The following LIPC variants were observed in gnomAD, a reference collection of about 807,000 sequenced individuals.
The protein encoded by LIPC is lipase C, hepatic type, also known as hepatic triacylglycerol lipase.
LIPC carries 44 observed loss-of-function variants against 50.7 expected under a neutral mutation model. The observed-to-expected ratio is 0.87, with a 90% CI of 0.68 to 1.11. The LOEUF (loss-of-function observed/expected upper bound fraction) is 1.11. LIPC is among the 50% of genes most tolerant of loss of function. LIPC has a pLI of 0.00. For missense variants in LIPC, 697 were observed against 648.2 expected, an observed-to-expected ratio of 1.08 and a Z score of -0.82; for synonymous variants, 271 against 256.4, an observed-to-expected ratio of 1.06 and a Z score of -0.54.
At chr15:58,469,501 C>T (rs1375568669) in intron 1 of LIPC, among the ~76,000 whole-genome samples, 1 of 152,180 alleles carries the variant, frequency 6.6e-6, no homozygotes, top group Admixed American at 6.5e-5. Flanking sequence ...TGCTCCACCC[C>T]CTTTCAATTA....
intron 1 of LIPC, among the ~76,000 whole-genome samples, chr15:58,486,645 T>TA (rs1891386367): frequency 1.3e-5 from 2 of 151,964 alleles, no homozygotes; most frequent in South Asian, 4.2e-4. Context: ...ACCCAGCAAT[T>TA]AGAGAGGGGA....
intron 1 of LIPC, among the ~76,000 whole-genome samples, chr15:58,455,838 TATATGA>T (rs1894090480): frequency 6.6e-6 from 1 of 152,214 alleles, no homozygotes; most frequent in Non-Finnish European, 1.5e-5. Context: ...CGTGTATATA[TATATGA>T]ATATATTTTC....
intron 1 of LIPC, among the ~76,000 whole-genome samples, chr15:58,455,585 T>C (rs4775047): frequency 0.66 from 100,018 of 152,118 alleles, 33,696 homozygotes; most frequent in African/African-American, 0.8. Context: ...TGAGTTTCAA[T>C]GTGTCCTTAT....
chr15:58,488,979 T>C (rs1263783059), intron 1 of LIPC, among the ~76,000 whole-genome samples: 3 of 152,150 alleles, frequency 2.0e-5, no homozygotes, highest in Non-Finnish European at 4.4e-5. Flanking sequence ...GGCTACTTAA[T>C]AAAGCTGTCT....
intron 1 of LIPC, among the ~76,000 whole-genome samples, chr15:58,513,990 C>T (rs545454070): frequency 8.5e-5 from 13 of 152,272 alleles, no homozygotes; most frequent in Non-Finnish European, 1.2e-4. Context: ...ATTTCCGTGA[C>T]GAGCTGGTGA....
intron 1 of LIPC, 115 bp downstream of exon 1, chr15:58,432,235 C>A: frequency 1.2e-6 from 1 of 820,234 alleles, no homozygotes; most frequent in South Asian, 1.4e-5. Flanking sequence ...CAGAGCGTGC[C>A]AGGTGGTTCT....
intron 1 of LIPC, among the ~76,000 whole-genome samples, chr15:58,479,331 G>A (rs559932557): frequency 2.6e-5 from 4 of 152,350 alleles, no homozygotes; most frequent in Admixed American, 1.3e-4. Context: ...ATTTATTAAT[G>A]CAGAGTTCTA....
intron 1 of LIPC, among the ~76,000 whole-genome samples, chr15:58,470,290 G>T (rs143522979): frequency 2.0e-5 from 3 of 152,204 alleles, no homozygotes; most frequent in African/African-American, 7.2e-5. Context: ...AGAGAAGAGG[G>T]TGTTTCCTAT....
intron 1 of LIPC, among the ~76,000 whole-genome samples, chr15:58,493,272 C>T (rs1371270942): frequency 1.3e-5 from 2 of 152,164 alleles, no homozygotes; most frequent in Admixed American, 1.3e-4. Flanking sequence ...CACTCCACCA[C>T]AGCCTGCCTA....
intron 1 of LIPC, chr15:58,494,944 G>C (rs183395356): frequency 4.5e-6 from 2 of 448,950 alleles, no homozygotes; most frequent in Non-Finnish European, 9.0e-6. Flanking sequence ...GCTATCACAG[G>C]TTCCAAAACA....
chr15:58,500,166 G>A (rs1361886014), intron 1 of LIPC, among the ~76,000 whole-genome samples: 1 of 152,130 alleles, frequency 6.6e-6, no homozygotes, highest in Non-Finnish European at 1.5e-5. Context: ...GGTGGAAAGA[G>A]CATGGGTTTG....
At chr15:58,560,836 C>G (rs1293593600) in intron 6 of LIPC, 28 bp from the exon 7 acceptor site, 2 of 884,866 alleles carry the variant, frequency 2.3e-6, no homozygotes, top group Non-Finnish European at 3.9e-6. Context: ...AATTATCTCT[C>G]TCTTTCTCTC....
intron 6 of LIPC, among the ~76,000 whole-genome samples, chr15:58,560,175 G>A (rs1403257329): frequency 6.6e-6 from 1 of 152,230 alleles, no homozygotes; most frequent in Non-Finnish European, 1.5e-5. Context: ...AATGTAGACT[G>A]TATTAGGTAA....
At chr15:58,480,847 G>A (rs1281777263) in intron 1 of LIPC, among the ~76,000 whole-genome samples, 1 of 152,088 alleles carries the variant, frequency 6.6e-6, no homozygotes, top group Non-Finnish European at 1.5e-5. Flanking sequence ...TAGAACTTGG[G>A]ACTCATGGCC....
intron 8 of LIPC, among the ~76,000 whole-genome samples, chr15:58,567,043 T>C (rs1398297102): frequency 1.1e-4 from 16 of 150,908 alleles, no homozygotes; most frequent in Non-Finnish European, 2.1e-4. Context: ...TGGGCTAAAA[T>C]ACAAAAAAAT....
At position 58,545,809 on chromosome 15, in the gene LIPC, C is replaced by T. The variant is rs1338249696; in HGVS notation, c.642C>T (p.Ala214=). Residue 214 remains alanine, a synonymous_variant, in exon 5 of 9, where the codon GCC becomes GCT. Transcript: ENST00000299022. ...GCAATCGTCTTTCTCCAGATGATGC[C>T]AATTTTGTGGATGCCATTCATACCT... ...APSNRLSPDD[A]NFVDAIHTFT... 1.2e-6 allele frequency: 2 copies of T among 1,614,170 alleles called. No homozygotes were observed. Among genetic ancestry groups the T allele is most frequent in the South Asian group, 1.1e-5 (1 of 91,078 alleles).
intron 1 of LIPC, among the ~76,000 whole-genome samples, chr15:58,468,797 C>G (rs1319690198): frequency 6.6e-6 from 1 of 152,178 alleles, no homozygotes; most frequent in Non-Finnish European, 1.5e-5. Context: ...CCATGGAACT[C>G]TGCTAGGCTG....
At chr15:58,493,619 GTATA>G (rs1891664581) in intron 1 of LIPC, among the ~76,000 whole-genome samples, 1 of 52,960 alleles carries the variant, frequency 1.9e-5, no homozygotes, top group South Asian at 8.3e-4. Flanking sequence ...AATTTATTAC[GTATA>G]AATAAAATTT....
intron 8 of LIPC, among the ~76,000 whole-genome samples, chr15:58,567,335 ATAT>A (rs1894419157): frequency 6.1e-5 from 1 of 16,516 alleles, no homozygotes; most frequent in Non-Finnish European, 1.2e-4. Flanking sequence ...ATATATATAT[ATAT>A]GTATATGTAT....
Sources: gnomAD v4.1 joint callset for allele counts (sites outside exome capture counted in the v4.1 genomes callset) on GRCh38, gnomAD v4.1.1 for gene constraint, MANE v1.5 for transcripts, NCBI Gene and HGNC (gene_info 2026-07-23, HGNC 2026-07-21) for gene names.